The following DLEU7 variants were observed in gnomAD, a reference collection of about 807,000 sequenced individuals.
DLEU7 encodes deleted in lymphocytic leukemia 7, also known as leukemia-associated protein 7.
In DLEU7, 17 loss-of-function variants were observed where a neutral mutation model predicts 16.0. That is an observed-to-expected ratio of 1.06 (90% CI 0.73 to 1.59). The LOEUF (loss-of-function observed/expected upper bound fraction) is 1.59, where lower values mean the gene tolerates loss of function less well. DLEU7 is among the 40% of genes most tolerant of loss of function. The pLI is 0.00. For missense variants in DLEU7, 308 were observed against 314.9 expected, an observed-to-expected ratio of 0.98 and a Z score of 0.17; for synonymous variants, 113 against 139.8, an observed-to-expected ratio of 0.81 and a Z score of 1.35.
At chr13:50,755,597 TG>T (rs1874730727) in intron 1 of DLEU7, among the ~76,000 whole-genome samples, 1 of 152,174 alleles carries the variant, frequency 6.6e-6, no homozygotes, top group Admixed American at 6.5e-5. Flanking sequence ...CTTCACTTCT[TG>T]TATCACTTTT....
chr13:50,727,678 GT>G (rs993868259), intron 1 of DLEU7, among the ~76,000 whole-genome samples: 3 of 152,138 alleles, frequency 2.0e-5, no homozygotes, highest in African/African-American at 7.2e-5. Flanking sequence ...GTGTCTGTTG[GT>G]CTCAGTTCCC....
chr13:50,815,242 G>C (rs1346249586), intron 1 of DLEU7, among the ~76,000 whole-genome samples: 1 of 152,036 alleles, frequency 6.6e-6, no homozygotes, highest in East Asian at 1.9e-4. Context: ...GTCCATTTGG[G>C]AGCATGTTAG....
intron 1 of DLEU7, among the ~76,000 whole-genome samples, chr13:50,719,433 G>A (rs1873531206): frequency 1.3e-5 from 2 of 152,096 alleles, no homozygotes; most frequent in African/African-American, 4.8e-5. Flanking sequence ...TTTTAGTAAG[G>A]TTTTCAATTA....
At position 50,843,479 on chromosome 13, in the gene DLEU7, C is replaced by A; in HGVS notation, c.168G>T (p.Pro56=). The change falls in exon 1 of 2, where the codon CCG becomes CCT. Residue 56 remains proline (P), a synonymous_variant. Transcript: ENST00000504404. The surrounding 1 kb of genome is among the most constrained non-coding windows in gnomAD (Gnocchi z 5.7). ...GCCCGGGCCCCGGCCGGGCCCGCGGCGGGCCTGAGCGACGGGCTGGAGCGG... is the reference window on the plus strand; with the variant it reads ...GCCCGGGCCCCGGCCGGGCCCGCGGAGGGCCTGAGCGACGGGCTGGAGCGG... The part of the protein sequence containing the change: ...VSTAPARRSG[P]PRARPGPGRE... 7.4e-7 allele frequency: 1 copy of A among 1,342,282 alleles called. No individual in the cohort carries two copies. The highest frequency in any genetic ancestry group is 9.5e-7 in the Non-Finnish European group (1 of 1,054,740). The allele number at this position is 1,342,282 out of a possible 1,614,324, so 83.1% of individuals were successfully genotyped here. A position where few individuals can be genotyped will look rare whatever the true frequency, so the allele number is the denominator to read the frequency against.
At chr13:50,817,409 C>T (rs150768471) in intron 1 of DLEU7, among the ~76,000 whole-genome samples, 12 of 152,254 alleles carry the variant, frequency 7.9e-5, no homozygotes, top group Non-Finnish European at 1.5e-4. Flanking sequence ...ACAGCCTAGA[C>T]CTTTGGTTCT....
chr13:50,789,105 T>A (rs1030434962), intron 1 of DLEU7, among the ~76,000 whole-genome samples: 12 of 151,994 alleles, frequency 7.9e-5, no homozygotes, highest in Non-Finnish European at 1.3e-4. Flanking sequence ...GAAGGTTGTC[T>A]GTTTTCTGCA....
rs370393707 is a variant in DLEU7 at position 50,765,925 on chromosome 13, C to T, written c.460-52685G>A. On this transcript the variant is annotated intron_variant, in intron 1 of 1. Transcript: ENST00000400393. ...GGGTCAAATGCTTTTTCTCTAAGCA[C>T]TTTTAGTGATGAATTCCCATTTCAT... Among the ~76,000 whole-genome samples the T allele has an allele frequency of 3.3e-5, 5 of 152,128 alleles. No individual in the cohort carries two copies. In the East Asian group the frequency reaches 5.8e-4, roughly 18 times the overall value.
rs560372564 is a variant in DLEU7, at chr13:50,809,808, G to T, written c.459+33380C>A. ...TCTCCTTAAGTGTCTTTGCAAAAAA[G>T]ATACAGTGGGACAGAAAGTCAGTAT... is the stretch of plus-strand genomic sequence containing the variant. On this transcript the variant is annotated intron_variant, in intron 1 of 1. Coordinates refer to the DLEU7 transcript ENST00000400393. 3.9e-5 allele frequency among the ~76,000 whole-genome samples: 6 copies of T among 152,224 alleles called. No individual in the cohort carries two copies. In the East Asian group the frequency reaches 7.7e-4, roughly 20 times the overall value.
chr13:50,831,803 G>A (rs1204198186), intron 1 of DLEU7, among the ~76,000 whole-genome samples: 1 of 152,186 alleles, frequency 6.6e-6, no homozygotes, highest in East Asian at 1.9e-4. Context: ...GTTAGTGACA[G>A]AGTTAAAATT....
At chr13:50,720,970 G>A (rs1593527062) in intron 1 of DLEU7, among the ~76,000 whole-genome samples, 1 of 152,316 alleles carries the variant, frequency 6.6e-6, no homozygotes, top group East Asian at 1.9e-4. Context: ...AGGATGCAAA[G>A]TATTGTTCCT....
At chr13:50,784,034 G>A (rs74078419) in intron 1 of DLEU7, among the ~76,000 whole-genome samples, 5,413 of 152,258 alleles carry the variant, frequency 0.036, 327 homozygotes, top group African/African-American at 0.12. Flanking sequence ...TCAGCGACCC[G>A]CCCCCTGTGT....
chr13:50,814,249 C>G (rs756322805), intron 1 of DLEU7, among the ~76,000 whole-genome samples: 1 of 151,908 alleles, frequency 6.6e-6, no homozygotes, highest in East Asian at 1.9e-4. Context: ...AGTCTCAGTC[C>G]GGAAGCCAGA....
At chr13:50,749,618 T>C (rs9535478) in intron 1 of DLEU7, among the ~76,000 whole-genome samples, 1 of 152,240 alleles carries the variant, frequency 6.6e-6, no homozygotes, top group South Asian at 2.1e-4. Context: ...GATTTTTTTT[T>C]ATTATGGCCA....
chr13:50,747,430 C>T (rs1874435810), intron 1 of DLEU7, among the ~76,000 whole-genome samples: 1 of 150,338 alleles, frequency 6.7e-6, no homozygotes, highest in Non-Finnish European at 1.5e-5. Flanking sequence ...TTGGGGGGCA[C>T]ATAAGATGGA....
At chr13:50,774,509 C>T (rs1875435467) in intron 1 of DLEU7, among the ~76,000 whole-genome samples, 1 of 152,136 alleles carries the variant, frequency 6.6e-6, no homozygotes, top group Non-Finnish European at 1.5e-5. Flanking sequence ...AATATGTCTT[C>T]TTTCGATGCT....
intron 1 of DLEU7, among the ~76,000 whole-genome samples, chr13:50,773,065 T>A (rs755566995): frequency 7.2e-5 from 11 of 152,198 alleles, no homozygotes; most frequent in Non-Finnish European, 1.2e-4. Context: ...AATCAGATAC[T>A]GAAACTTGTG....
chr13:50,823,653 A>G, intron 1 of DLEU7, 133 bp from the exon 2 acceptor site: 1 of 1,079,074 alleles, frequency 9.3e-7, no homozygotes. Flanking sequence ...TTGGAAAACT[A>G]CACCCCATTC....
intron 1 of DLEU7, among the ~76,000 whole-genome samples, chr13:50,817,115 T>G (rs1285211435): frequency 6.6e-6 from 1 of 151,816 alleles, no homozygotes; most frequent in Non-Finnish European, 1.5e-5. Flanking sequence ...TTTGTAATGG[T>G]TTTTTTTAAG....
At chr13:50,742,863 G>A (rs756890399) in intron 1 of DLEU7, among the ~76,000 whole-genome samples, 16 of 152,144 alleles carry the variant, frequency 1.1e-4, no homozygotes, top group Non-Finnish European at 1.8e-4. Flanking sequence ...GGTGACCCAT[G>A]GGCTGAAGTT....
Sources: allele counts gnomAD v4.1 joint callset (sites outside exome capture counted in the v4.1 genomes callset), GRCh38; gene constraint gnomAD v4.1.1; non-coding constraint Gnocchi (gnomAD v3.1); transcripts MANE v1.5; gene names NCBI Gene and HGNC (gene_info 2026-07-23, HGNC 2026-07-21).